ATXN10: variants seen among roughly 807,000 people sequenced by gnomAD.
ATXN10 encodes ataxin 10.
In ATXN10, 28 loss-of-function variants were observed where a neutral mutation model predicts 52.9. The observed-to-expected ratio is 0.53, with a 90% confidence interval of 0.39 to 0.73. The LOEUF (loss-of-function observed/expected upper bound fraction) is 0.73. Ranked by LOEUF, ATXN10 falls within the 30% of genes least tolerant of loss-of-function variation. The pLI is 0.00. For synonymous variants in ATXN10, 226 were observed against 221.5 expected (o/e 1.02, Z -0.18); for missense variants, 565 against 577.0 (o/e 0.98, Z 0.21).
At position 45,727,353 on chromosome 22, in the gene ATXN10, A is replaced by C. The variant is rs952258445; in HGVS notation, c.729-2072A>C. Among the ~76,000 whole-genome samples the C allele has an allele frequency of 6.6e-6, 1 of 151,484 alleles. No individual in the cohort carries two copies. The highest frequency in any genetic ancestry group is 1.5e-5 in the Non-Finnish European group (1 of 67,916). The stretch of plus-strand genomic sequence containing the variant: ...TCTATATCTATCTATCTATCTATCT[A>C]TCTATCTATCTATCTATCTATCTGA... On this transcript the variant is annotated intron_variant, in intron 6 of 11. Transcript: ENST00000252934. This position sits in a 1 kb window ranked among gnomAD's most constrained non-coding sequence, Gnocchi z 4.6.
intron 5 of ATXN10, among the ~76,000 whole-genome samples, chr22:45,710,434 C>T (rs995599038): frequency 3.9e-5 from 6 of 152,166 alleles, no homozygotes; most frequent in Non-Finnish European, 5.9e-5. Flanking sequence ...AGTAGTGTTT[C>T]CTGTAAACCC....
chr22:45,709,670 T>G (rs1320205342), intron 5 of ATXN10, among the ~76,000 whole-genome samples: 2 of 152,334 alleles, frequency 1.3e-5, no homozygotes, highest in East Asian at 3.9e-4. Flanking sequence ...AAATACCTCT[T>G]CTAAATTGAT....
intron 8 of ATXN10, 69 bp from the exon 9 acceptor site, chr22:45,740,287 GATTTGTCTATGGA>G: frequency 7.3e-7 from 1 of 1,363,530 alleles, no homozygotes; most frequent in Non-Finnish European, 1.0e-6. Context: ...CAATAAATTA[GATTTGTCTATGGA>G]AAACTATTAG....
chr22:45,747,845 C>T (rs1485018480), intron 9 of ATXN10, among the ~76,000 whole-genome samples: 2 of 152,116 alleles, frequency 1.3e-5, no homozygotes, highest in African/African-American at 4.8e-5. Context: ...CTTTCGGAAG[C>T]CGAGGCAGGA....
chr22:45,835,020 G>T lies in ATXN10; in HGVS notation c.1238-7971G>T, dbSNP rs535435096. ...CCAGACTGTGACTGCTTCGTACCAC[G>T]CTTTGCTTTGAAGTGGTCAGTAAAA... is the stretch of plus-strand genomic sequence containing the variant. On this transcript the variant is annotated intron_variant, in intron 10 of 11. Coordinates refer to ENST00000252934, the MANE Select transcript of ATXN10 (RefSeq NM_013236.4). This position sits in a 1 kb window ranked among gnomAD's most constrained non-coding sequence, Gnocchi z 5.0. 7.9e-5 allele frequency among the ~76,000 whole-genome samples: 12 copies of T among 152,324 alleles called. No individual in the cohort carries two copies. Among genetic ancestry groups the T allele is most frequent in the African/African-American group, 2.9e-4 (12 of 41,590 alleles).
intron 10 of ATXN10, among the ~76,000 whole-genome samples, chr22:45,821,104 C>A (rs1928631519): frequency 6.6e-6 from 1 of 152,154 alleles, no homozygotes; most frequent in African/African-American, 2.4e-5. Context: ...CACTTTCTGA[C>A]TGAAGATAGG....
chr22:45,712,267 T>C lies in ATXN10; in HGVS notation c.648-6146T>C, dbSNP rs1189450123. ...ATTCTTGAAGGAAAAAGAATTCTTG[T>C]TATCCAAGGAAGGAAAAAAGGGGAT... On this transcript the variant is annotated intron_variant, in intron 5 of 11. Coordinates refer to ENST00000252934, the MANE Select transcript of ATXN10 (RefSeq NM_013236.4). The surrounding 1 kb of genome is among the most constrained non-coding windows in gnomAD (Gnocchi z 4.6). 6.6e-6 allele frequency among the ~76,000 whole-genome samples: 1 copy of C among 152,124 alleles called. No homozygotes were observed. Among genetic ancestry groups the C allele is most frequent in the Non-Finnish European group, 1.5e-5 (1 of 68,012 alleles).
rs1928474561 is a variant in ATXN10 at position 45,816,716 on chromosome 22, A to T, written c.1237+9694A>T. On this transcript the variant is annotated intron_variant, in intron 10 of 11. Coordinates refer to ENST00000252934, the MANE Select transcript of ATXN10 (RefSeq NM_013236.4). This position sits in a 1 kb window ranked among gnomAD's most constrained non-coding sequence, Gnocchi z 5.8. ...ACGGGAGAAGCCTTCTTTTAATAAA[A>T]TGTGAGAAAGCCTGTGTGAAGCAGA... Among the ~76,000 whole-genome samples the T allele has an allele frequency of 1.3e-5, 2 of 152,226 alleles. No homozygotes were observed. Among genetic ancestry groups the T allele is most frequent in the South Asian group, 2.1e-4 (1 of 4,832 alleles).
intron 9 of ATXN10, chr22:45,793,001 C>T (rs1305862261): frequency 3.2e-6 from 1 of 308,886 alleles, no homozygotes; most frequent in Non-Finnish European, 6.8e-6. Flanking sequence ...CACCCAAATG[C>T]TTTCTCCTAA....
At chr22:45,792,214 A>G (rs112933634) in intron 9 of ATXN10, among the ~76,000 whole-genome samples, 2 of 152,334 alleles carry the variant, frequency 1.3e-5, no homozygotes, top group African/African-American at 4.8e-5. Context: ...ATTCAATGAT[A>G]TAAATTAGAT....
rs368604884 is a variant in ATXN10 at position 45,757,865 on chromosome 22, C to T, written c.1173+17327C>T. On this transcript the variant is annotated intron_variant, in intron 9 of 11. Coordinates refer to ENST00000252934, the MANE Select transcript of ATXN10 (RefSeq NM_013236.4). The surrounding 1 kb of genome is among the most constrained non-coding windows in gnomAD (Gnocchi z 4.6). ...GAAATAAACTCTGGCACACTTTCTC[C>T]AGTCATATTCGTTGAGCCTGTATTT... Among the ~76,000 whole-genome samples the T allele has an allele frequency of 4.6e-5, 7 of 152,316 alleles. No individual in the cohort carries two copies. The East Asian group carries it at 9.6e-4, about 21-fold the overall frequency.
chr22:45,830,708 A>AG (rs1491532848), intron 10 of ATXN10, among the ~76,000 whole-genome samples: 1 of 151,438 alleles, frequency 6.6e-6, no homozygotes, highest in Non-Finnish European at 1.5e-5. Flanking sequence ...AAAAAAAAAA[A>AG]CAAGTCTTGG....
intron 10 of ATXN10, among the ~76,000 whole-genome samples, chr22:45,821,002 G>C (rs552060975): frequency 6.6e-6 from 1 of 152,174 alleles, no homozygotes; most frequent in African/African-American, 2.4e-5. Context: ...TTACAAGAGA[G>C]TCTTGCCTTC....
intron 5 of ATXN10, among the ~76,000 whole-genome samples, chr22:45,703,505 C>G (rs1923920183): frequency 6.6e-6 from 1 of 152,066 alleles, no homozygotes; most frequent in East Asian, 1.9e-4. Context: ...GGCCCTTGTT[C>G]TCTCTCCACT....
chr22:45,788,020 A>C (rs1386609134), intron 9 of ATXN10, among the ~76,000 whole-genome samples: 1 of 152,216 alleles, frequency 6.6e-6, no homozygotes, highest in Admixed American at 6.5e-5. Context: ...TACAAGGAGC[A>C]CCAGGATTTC....
intron 9 of ATXN10, among the ~76,000 whole-genome samples, chr22:45,746,798 C>CTTA (rs796552892): frequency 1.3e-5 from 2 of 152,310 alleles, no homozygotes; most frequent in African/African-American, 4.8e-5. Flanking sequence ...CACCCCCTGA[C>CTTA]TTACACTCTA....
intron 1 of ATXN10, chr22:45,679,692 G>A (rs181792148): frequency 7.7e-4 from 117 of 152,314 alleles, no homozygotes; most frequent in African/African-American, 2.6e-3. Flanking sequence ...GCTCAACTTT[G>A]TTGAGAGAGA....
At chr22:45,700,977 TC>T (rs1316356506) in intron 4 of ATXN10, among the ~76,000 whole-genome samples, 8 of 152,192 alleles carry the variant, frequency 5.3e-5, no homozygotes, top group African/African-American at 1.7e-4. Context: ...TGATTCTACT[TC>T]TTAAAAACCA....
chr22:45,680,618 G>A (rs1451544503), intron 1 of ATXN10, among the ~76,000 whole-genome samples: 1 of 151,328 alleles, frequency 6.6e-6, no homozygotes, highest in Admixed American at 6.6e-5. Context: ...ACCATGCCCC[G>A]CTAATTAAAA....
Sources: allele counts gnomAD v4.1 joint callset (sites outside exome capture counted in the v4.1 genomes callset), GRCh38; gene constraint gnomAD v4.1.1; non-coding constraint Gnocchi (gnomAD v3.1); transcripts MANE v1.5; gene names NCBI Gene and HGNC (gene_info 2026-07-23, HGNC 2026-07-21).